The following CDC42BPA variants were observed in gnomAD, a reference collection of about 807,000 sequenced individuals.
The protein encoded by CDC42BPA is CDC42 binding protein kinase alpha, also known as serine/threonine-protein kinase MRCK alpha.
CDC42BPA carries 80 observed loss-of-function variants against 223.5 expected under a neutral mutation model. That is an observed-to-expected ratio of 0.36 (90% CI 0.30 to 0.43). The LOEUF (loss-of-function observed/expected upper bound fraction) is 0.43. Ranked by LOEUF, CDC42BPA falls within the 20% of genes least tolerant of loss-of-function variation. The pLI is 1.00. For synonymous variants in CDC42BPA, 694 were observed against 718.6 expected (o/e 0.97, Z 0.55); for missense variants, 1,743 against 2,099.9 (o/e 0.83, Z 3.32).
At chr1:227,028,324 C>A (rs1668649705) in intron 30 of CDC42BPA, among the ~76,000 whole-genome samples, 1 of 152,146 alleles carries the variant, frequency 6.6e-6, no homozygotes, top group Non-Finnish European at 1.5e-5. Flanking sequence ...CTGTGAAACA[C>A]TGATGCTTAC....
chr1:227,116,474 A>T (rs936601282), intron 12 of CDC42BPA, among the ~76,000 whole-genome samples: 5 of 152,188 alleles, frequency 3.3e-5, no homozygotes, highest in African/African-American at 1.2e-4. Flanking sequence ...GAAATATCAG[A>T]GGCAGTTTCT....
At chr1:227,175,147 G>C (rs773881187) in intron 5 of CDC42BPA, among the ~76,000 whole-genome samples, 3 of 151,976 alleles carry the variant, frequency 2.0e-5, no homozygotes, top group Admixed American at 6.6e-5. Flanking sequence ...ATATATTTTC[G>C]TGTACATTCC....
chr1:227,268,027 A>T (rs1408522942), intron 1 of CDC42BPA, among the ~76,000 whole-genome samples: 8 of 152,192 alleles, frequency 5.3e-5, no homozygotes, highest in Admixed American at 5.2e-4. Context: ...TACTTAATCA[A>T]GTATTTTAAA....
At chr1:227,298,849 A>T (rs1309217742) in intron 1 of CDC42BPA, among the ~76,000 whole-genome samples, 3 of 152,108 alleles carry the variant, frequency 2.0e-5, no homozygotes, top group Non-Finnish European at 4.4e-5. Flanking sequence ...CAATATCCAT[A>T]AAAAAGGAAA....
At chr1:226,996,465 C>T (rs529479366) in intron 35 of CDC42BPA, among the ~76,000 whole-genome samples, 66 of 146,366 alleles carry the variant, frequency 4.5e-4, no homozygotes, top group Non-Finnish European at 7.6e-4. Flanking sequence ...ATTTCCTTCT[C>T]TTGTCTGGTT....
At chr1:227,228,844 C>T (rs1387348543) in intron 2 of CDC42BPA, among the ~76,000 whole-genome samples, 1 of 152,130 alleles carries the variant, frequency 6.6e-6, no homozygotes, top group African/African-American at 2.4e-5. Flanking sequence ...AAACAGCTAT[C>T]CAAATCACTC....
chr1:227,018,496 A>G (rs1349979789), intron 32 of CDC42BPA, among the ~76,000 whole-genome samples: 10 of 152,236 alleles, frequency 6.6e-5, no homozygotes, highest in Admixed American at 6.5e-4. Context: ...CTCTACTCTT[A>G]GCCTAGAGTA....
chr1:227,024,234 C>T (rs373894383), intron 31 of CDC42BPA, among the ~76,000 whole-genome samples: 87 of 151,730 alleles, frequency 5.7e-4, no homozygotes, highest in Middle Eastern at 3.5e-3. Flanking sequence ...CTTTCAACTA[C>T]ACAGTTAATT....
intron 21 of CDC42BPA, among the ~76,000 whole-genome samples, chr1:227,061,565 T>C (rs1445541841): frequency 6.6e-6 from 1 of 152,170 alleles, no homozygotes; most frequent in Non-Finnish European, 1.5e-5. Flanking sequence ...CCAATTAACT[T>C]CTAATACAGT....
intron 25 of CDC42BPA, 45 bp downstream of exon 25, chr1:227,035,426 A>C (rs1424074763): frequency 6.9e-7 from 1 of 1,457,716 alleles, no homozygotes; most frequent in Non-Finnish European, 9.4e-7. Context: ...TAATTCATTA[A>C]TAAATCTTAA....
At chr1:227,263,581 AAT>A (rs1558901165) in intron 1 of CDC42BPA, among the ~76,000 whole-genome samples, 1 of 135,018 alleles carries the variant, frequency 7.4e-6, no homozygotes, top group Non-Finnish European at 1.6e-5. Context: ...CTTGAGAATC[AAT>A]TTTTTTTTTT....
chr1:226,994,766 T>C lies in CDC42BPA; in HGVS notation c.5133+57A>G. ...CCAATCCCAAGGTGGTGGGATTGCC[T>C]GGGAAGATGCCCTAGTCTTTCTGAT... On this transcript the variant is annotated intron_variant, in intron 36 of 36. Coordinates refer to ENST00000366766, the MANE Select transcript of CDC42BPA (RefSeq NM_001394014.1). The surrounding 1 kb of genome is among the most constrained non-coding windows in gnomAD (Gnocchi z 4.0). 6.6e-7 allele frequency: 1 copy of C among 1,517,842 alleles called. No homozygotes were observed. Among genetic ancestry groups the C allele is most frequent in the Non-Finnish European group, 8.9e-7 (1 of 1,123,768 alleles). The allele number at this position is 1,517,842 out of a possible 1,614,324, so 94.0% of individuals were successfully genotyped here.
At chr1:226,995,371 T>G (rs1388026310) in intron 35 of CDC42BPA, among the ~76,000 whole-genome samples, 1 of 152,184 alleles carries the variant, frequency 6.6e-6, no homozygotes, top group Non-Finnish European at 1.5e-5. Context: ...TATGAAGTCA[T>G]GTTATCATCA....
chr1:227,204,173 T>A (rs4653802), intron 3 of CDC42BPA, among the ~76,000 whole-genome samples: 1 of 151,950 alleles, frequency 6.6e-6, no homozygotes, highest in Non-Finnish European at 1.5e-5. Context: ...ATCAGTGAAA[T>A]TTTAAATTGC....
At chr1:227,230,965 C>A (rs971236576) in intron 2 of CDC42BPA, among the ~76,000 whole-genome samples, 1 of 151,662 alleles carries the variant, frequency 6.6e-6, no homozygotes, top group Non-Finnish European at 1.5e-5. Flanking sequence ...GGACTACAGG[C>A]ACGCACCACC....
At chr1:227,204,940 A>G (rs1672396922) in intron 3 of CDC42BPA, among the ~76,000 whole-genome samples, 1 of 150,932 alleles carries the variant, frequency 6.6e-6, no homozygotes, top group Non-Finnish European at 1.5e-5. Context: ...CATAAACTTA[A>G]AAAAAAAATC....
intron 34 of CDC42BPA, among the ~76,000 whole-genome samples, chr1:227,007,448 TAA>T (rs1382692010): frequency 3.9e-5 from 6 of 152,348 alleles, no homozygotes; most frequent in South Asian, 2.1e-4. Flanking sequence ...AATGAAATTA[TAA>T]GAGACCAAAA....
intron 6 of CDC42BPA, among the ~76,000 whole-genome samples, chr1:227,158,258 C>T (rs1015245947): frequency 6.6e-6 from 1 of 152,204 alleles, no homozygotes; most frequent in Admixed American, 6.5e-5. Flanking sequence ...CTGTGACCGA[C>T]CTATGATCAC....
chr1:227,044,307 G>C (rs11583247), intron 23 of CDC42BPA, among the ~76,000 whole-genome samples: 21,311 of 152,048 alleles, frequency 0.14, 1,871 homozygotes, highest in South Asian at 0.34. Flanking sequence ...TGTTAACAAT[G>C]CTTTCACTGT....
Sources: allele counts gnomAD v4.1 joint callset (sites outside exome capture counted in the v4.1 genomes callset), GRCh38; gene constraint gnomAD v4.1.1; non-coding constraint Gnocchi (gnomAD v3.1); transcripts MANE v1.5; gene names NCBI Gene and HGNC (gene_info 2026-07-23, HGNC 2026-07-21).